Variants in ERC1 observed in about 807,000 individuals in gnomAD.
The protein encoded by ERC1 is ELKS/RAB6-interacting/CAST family member 1.
Under a neutral mutation model 132.0 loss-of-function variants are expected in ERC1, and 56 were observed. That is an observed-to-expected ratio of 0.42 (90% CI 0.34 to 0.53). ERC1 has a LOEUF of 0.53. Ranked by LOEUF, ERC1 falls within the 20% of genes least tolerant of loss-of-function variation. The pLI, the probability that ERC1 is intolerant of heterozygous loss-of-function variation, is 0.03. For missense variants in ERC1, 1,202 were observed against 1,349.9 expected (o/e 0.89, Z 1.72); for synonymous variants, 478 against 476.1 (o/e 1.00, Z -0.05).
chr12:1,393,406 A>T (rs1409156695), intron 16 of ERC1, among the ~76,000 whole-genome samples: 1 of 152,124 alleles, frequency 6.6e-6, no homozygotes, highest in Non-Finnish European at 1.5e-5. Context: ...GTGGTGGTGC[A>T]CATCTGTAGT....
At chr12:995,186 G>A (rs1343113627) in intron 1 of ERC1, among the ~76,000 whole-genome samples, 2 of 152,112 alleles carry the variant, frequency 1.3e-5, no homozygotes, top group Non-Finnish European at 2.9e-5. Context: ...GAACCTAGGG[G>A]TTCGAGGTTG....
At chr12:1,041,205 CT>C (rs2154159938) in intron 2 of ERC1, among the ~76,000 whole-genome samples, 2 of 133,330 alleles carry the variant, frequency 1.5e-5, no homozygotes, top group East Asian at 2.9e-4. Flanking sequence ...GCAAGTCTCT[CT>C]TTCTTTTTTT....
chr12:992,162 G>A (rs1450541652), intron 1 of ERC1, among the ~76,000 whole-genome samples: 1 of 151,918 alleles, frequency 6.6e-6, no homozygotes, highest in Admixed American at 6.6e-5. Context: ...GTGTCTTCCA[G>A]TTTTTTTTCC....
rs748431650 is a variant in ERC1 at position 1,490,186 on chromosome 12, G to A, written c.3307G>A (p.Asp1103Asn). 9 of 1,613,998 alleles carry A rather than the reference G, an allele frequency of 5.6e-6. No individual in the cohort carries two copies. Among genetic ancestry groups the A allele is most frequent in the African/African-American group, 4.0e-5 (3 of 74,912 alleles). The change falls in exon 19 of 19, where the codon GAC (aspartate) becomes AAC (asparagine). Residue 1103 changes from aspartate to asparagine, a missense_variant. Transcript: ENST00000360905. The part of the protein sequence containing the change: ...ILQQIADHCP[D>N]ILEQVVNALE... ...TCAGCAGATAGCAGACCATTGTCCC[G>A]ACATCCTAGAGCAAGTGGTCAACGC...
chr12:1,205,016 A>T (rs1421546134), intron 12 of ERC1, among the ~76,000 whole-genome samples: 2 of 152,208 alleles, frequency 1.3e-5, no homozygotes, highest in Non-Finnish European at 2.9e-5. Context: ...AGAACTAGTG[A>T]TAACAAAAAC....
In ERC1 at chr12:1,175,019, G is replaced by A. The variant is rs534412686; in HGVS notation, c.1738-5521G>A. Among the ~76,000 whole-genome samples, 3 of 152,280 alleles carry A rather than the reference G, an allele frequency of 2.0e-5. No homozygotes were observed. The East Asian group carries it at 5.8e-4, about 29-fold the overall frequency. ...TAAAAAGTTATGTTTATACTATATTGTAGTTTATTAAGTATGCAATAGCAT... is the reference window on the plus strand; with the variant it reads ...TAAAAAGTTATGTTTATACTATATTATAGTTTATTAAGTATGCAATAGCAT... On this transcript the variant is annotated intron_variant, in intron 8 of 18. Transcript: ENST00000360905.
In ERC1 at chr12:1,141,743, A is replaced by G. The variant is rs767030481; in HGVS notation, c.1693A>G (p.Met565Val). The change falls in exon 8 of 19, where the codon ATG becomes GTG. Residue 565 changes from methionine (M) to valine (V), a missense_variant. Physicochemically the swap from Met to Val is conservative, Grantham distance 21. Transcript: ENST00000360905. ...TGGAGAGATACATGACCTCAAGGACATGTTGGATGTGAAGGAGCGGAAGGT... is the reference window on the plus strand; with the variant it reads ...TGGAGAGATACATGACCTCAAGGACGTGTTGGATGTGAAGGAGCGGAAGGT... The part of the protein sequence containing the change: ...QAGEIHDLKD[M>V]LDVKERKVNV... 5.0e-6 allele frequency: 8 copies of G among 1,611,656 alleles called. No homozygotes were observed. Among genetic ancestry groups the G allele is most frequent in the Non-Finnish European group, 6.8e-6 (8 of 1,178,846 alleles).
intron 6 of ERC1, 182 bp from the exon 7 acceptor site, chr12:1,115,684 G>GT (rs917503079): frequency 1.6e-4 from 70 of 443,278 alleles, no homozygotes; most frequent in South Asian, 1.9e-4. Flanking sequence ...AAGTTTAGTG[G>GT]TTTTTTTTGG....
chr12:1,082,938 G>A (rs1223391948), intron 2 of ERC1, among the ~76,000 whole-genome samples: 1 of 152,112 alleles, frequency 6.6e-6, no homozygotes, highest in Non-Finnish European at 1.5e-5. Context: ...TGAGGAGTGA[G>A]TGCCATACTT....
intron 13 of ERC1, among the ~76,000 whole-genome samples, chr12:1,240,277 A>G (rs1168154922): frequency 6.6e-6 from 1 of 152,190 alleles, no homozygotes; most frequent in East Asian, 1.9e-4. Flanking sequence ...AGTAGGGGAA[A>G]CATTGGCCAT....
intron 13 of ERC1, among the ~76,000 whole-genome samples, chr12:1,260,037 T>C (rs989091803): frequency 3.3e-5 from 5 of 152,180 alleles, no homozygotes; most frequent in African/African-American, 1.2e-4. Flanking sequence ...CACTCACCTA[T>C]GGTAGAGCTC....
chr12:1,234,628 C>T (rs567712823), intron 12 of ERC1, among the ~76,000 whole-genome samples: 3 of 152,206 alleles, frequency 2.0e-5, no homozygotes, highest in Non-Finnish European at 4.4e-5. Flanking sequence ...AAGCGTAAAG[C>T]GCCAAGAACA....
At chr12:1,300,284 ACT>A (rs2080288013) in intron 15 of ERC1, among the ~76,000 whole-genome samples, 2 of 152,206 alleles carry the variant, frequency 1.3e-5, no homozygotes, top group South Asian at 4.1e-4. Flanking sequence ...TTAAAACTGG[ACT>A]CTTTCCTTAC....
chr12:1,072,616 G>C (rs1184988543), intron 2 of ERC1, among the ~76,000 whole-genome samples: 5 of 152,144 alleles, frequency 3.3e-5, no homozygotes, highest in Non-Finnish European at 4.4e-5. Flanking sequence ...CAAGAAAAAT[G>C]TATGGTCTTC....
chr12:1,081,609 A>G (rs1042330983), intron 2 of ERC1, among the ~76,000 whole-genome samples: 9 of 152,192 alleles, frequency 5.9e-5, no homozygotes, highest in Non-Finnish European at 1.3e-4. Flanking sequence ...TCGTGCCCTC[A>G]TTTATAAAAT....
Position 1,057,846 on chromosome 12 carries a change from G to A in ERC1, c.670-25318G>A, listed in dbSNP as rs912877270. ...TCTGACCTCGTGATCCACCTGCCTC[G>A]GCCTCCCAAAGTACTGGGATTACAA... On this transcript the variant is annotated intron_variant, in intron 2 of 18. Coordinates refer to ENST00000360905, the MANE Select transcript of ERC1 (RefSeq NM_178040.4). Among the ~76,000 whole-genome samples the A allele has an allele frequency of 8.6e-5, 13 of 151,828 alleles. No homozygotes were observed. The East Asian group carries it at 1.5e-3, about 18-fold the overall frequency.
intron 15 of ERC1, among the ~76,000 whole-genome samples, chr12:1,367,908 G>A (rs1242826362): frequency 4.0e-5 from 6 of 151,594 alleles, no homozygotes; most frequent in African/African-American, 1.5e-4. Flanking sequence ...CATGTGGGCG[G>A]GGGGATTACT....
At chr12:1,039,516 C>T (rs901428890) in intron 2 of ERC1, among the ~76,000 whole-genome samples, 1 of 148,638 alleles carries the variant, frequency 6.7e-6, no homozygotes, top group Non-Finnish European at 1.5e-5. Flanking sequence ...GGTGACAGAG[C>T]AAGAGTCTGT....
chr12:1,197,397 C>A (rs1956436525), intron 12 of ERC1, among the ~76,000 whole-genome samples: 1 of 152,096 alleles, frequency 6.6e-6, no homozygotes, highest in East Asian at 1.9e-4. Context: ...AAAAGAAATC[C>A]TTTTCAGGTG....
Sources: allele counts gnomAD v4.1 joint callset (sites outside exome capture counted in the v4.1 genomes callset), GRCh38; gene constraint gnomAD v4.1.1; transcripts MANE v1.5; gene names NCBI Gene and HGNC (gene_info 2026-07-23, HGNC 2026-07-21).